Variants in LYRM9 observed in about 807,000 individuals in gnomAD.
The protein encoded by LYRM9 is LYR motif-containing protein 9.
Under a neutral mutation model 12.6 loss-of-function variants are expected in LYRM9, and 14 were observed. That is an observed-to-expected ratio of 1.11 (90% confidence interval 0.73 to 1.73). The LOEUF (loss-of-function observed/expected upper bound fraction) is 1.73, where lower values mean the gene tolerates loss of function less well. LYRM9 is among the 40% of genes most tolerant of loss of function. The pLI, the probability that LYRM9 is intolerant of heterozygous loss-of-function variation, is 0.00. For missense variants in LYRM9, 94 were observed against 95.0 expected, an observed-to-expected ratio of 0.99 and a Z score of 0.04; for synonymous variants, 42 against 35.1, an observed-to-expected ratio of 1.20 and a Z score of -0.69.
Position 27,882,587 on chromosome 17 carries a change from G to GT in LYRM9, c.107dup (p.Tyr36Ter), listed in dbSNP as rs776318231. The change falls in exon 2 of 4, where the codon TAC becomes TAAC. Residue 36 changes from tyrosine (Y) to a stop codon, truncating the protein, a stop_gained and frameshift_variant. Transcript: ENST00000379102. LOFTEE classifies it high-confidence loss of function. ...QLPTKGIQQH[Y>*]KHAVRQSFRV... ...CTCGCACCTGCCTGACAGCATGCTT[G>GT]TAATGCTGCTGGATGCCCTTGGTCG... is the stretch of plus-strand genomic sequence containing the variant. The GT allele has an allele frequency of 4.4e-6, 7 of 1,595,480 alleles. No individual in the cohort carries two copies. The South Asian group carries it at 8.0e-5, about 18-fold the overall frequency.
In LYRM9 at chr17:27,882,612, G is replaced by T; in HGVS notation, c.83C>A (p.Pro28Gln). 6.3e-7 allele frequency: 1 copy of T among 1,596,324 alleles called. No homozygotes were observed. Among genetic ancestry groups the T allele is most frequent in the South Asian group, 1.1e-5 (1 of 87,878 alleles). The stretch of plus-strand genomic sequence containing the variant: ...GTAATGCTGCTGGATGCCCTTGGTC[G>T]GCAGCTGCTGGCAACAGCGCAGCAA... Reference protein sequence around the residue: ...RYLLRCCQQLPTKGIQQHYKH... With the variant: ...RYLLRCCQQLQTKGIQQHYKH... Residue 28 changes from proline to glutamine, a missense_variant, in exon 2 of 4, where the codon CCG becomes CAG. Coordinates refer to ENST00000379102, the MANE Select transcript of LYRM9 (RefSeq NM_001076680.3).
At position 27,880,276 on chromosome 17, in the gene LYRM9, T is replaced by G; in HGVS notation, c.217A>C (p.Lys73Gln). 1 of 1,606,424 alleles carries G rather than the reference T, an allele frequency of 6.2e-7. No individual in the cohort carries two copies. ...GAGCCCAGGGGCCAAGCACCTACTT[T>G]GTTCATGATCCAGTCAGCATCTTCA... is the stretch of plus-strand genomic sequence containing the variant. ...AIEDADWIMN[K>Q]YKKQN The change falls in exon 3 of 4, where the codon AAA (lysine) becomes CAA (glutamine). Residue 73 changes from lysine to glutamine, a missense_variant and splice_region_variant. Coordinates refer to ENST00000379102, the MANE Select transcript of LYRM9 (RefSeq NM_001076680.3).
chr17:27,882,729 A>G lies in LYRM9; in HGVS notation c.-18-17T>C. The G allele has an allele frequency of 6.4e-7, 1 of 1,568,290 alleles. No individual in the cohort carries two copies. The highest frequency in any genetic ancestry group is 8.6e-7 in the Non-Finnish European group (1 of 1,156,680). ...CCTCTGTCCCTGGAAAACAAGCAGGATCACTTCCAGGGCATCAAGCCAAGT... is the reference window on the plus strand; with the variant it reads ...CCTCTGTCCCTGGAAAACAAGCAGGGTCACTTCCAGGGCATCAAGCCAAGT... On this transcript the variant is annotated splice_polypyrimidine_tract_variant and intron_variant, in intron 1 of 3. Coordinates refer to ENST00000379102, the MANE Select transcript of LYRM9 (RefSeq NM_001076680.3).
Position 27,883,647 on chromosome 17 carries a change from C to A in LYRM9, c.-18-935G>T, listed in dbSNP as rs1294171854. Among the ~76,000 whole-genome samples, 3 of 143,138 alleles carry A rather than the reference C, an allele frequency of 2.1e-5. No homozygotes were observed. In the East Asian group the frequency reaches 6.1e-4, roughly 29 times the overall value. The allele number at this position is 143,138 out of a possible 152,430, so 93.9% of individuals were successfully genotyped here. A position where few individuals can be genotyped will look rare whatever the true frequency, so the allele number is the denominator to read the frequency against. Reference sequence around the variant, plus strand: ...CCTGGGTGACAAAGCAAGACTCCAACTCAAAAAAAAAAAAAAAGAGAGAGA... The same window carrying A: ...CCTGGGTGACAAAGCAAGACTCCAAATCAAAAAAAAAAAAAAAGAGAGAGA... On this transcript the variant is annotated intron_variant, in intron 1 of 3. Coordinates refer to ENST00000379102, the MANE Select transcript of LYRM9 (RefSeq NM_001076680.3).
chr17:27,890,726 C>T (rs1307844012), intron 1 of LYRM9, among the ~76,000 whole-genome samples: 5 of 152,048 alleles, frequency 3.3e-5, no homozygotes, highest in Admixed American at 2.6e-4. Context: ...AGAAAATAAC[C>T]AGAAATTATG....
At chr17:27,888,153 A>T (rs1905298539) in intron 1 of LYRM9, among the ~76,000 whole-genome samples, 1 of 152,178 alleles carries the variant, frequency 6.6e-6, no homozygotes, top group African/African-American at 2.4e-5. Context: ...TTCAATTTCT[A>T]TTTTGAACGA....
chr17:27,880,596 C>T (rs1478890103), intron 2 of LYRM9: 2 of 563,450 alleles, frequency 3.5e-6, no homozygotes, highest in Admixed American at 6.3e-5. Context: ...AGCATGTACT[C>T]CTGCCACCAA....
Position 27,879,126 on chromosome 17 carries a change from T to A in LYRM9, c.*347A>T, listed in dbSNP as rs1904948330. 1 of 234,358 alleles carries A rather than the reference T, an allele frequency of 4.3e-6. No individual in the cohort carries two copies. The highest frequency in any genetic ancestry group is 8.4e-6 in the Non-Finnish European group (1 of 119,518). The allele number at this position is 234,358 out of a possible 1,614,324, so 14.5% of individuals were successfully genotyped here. ...GTACAGGTTGCTACCTGAGGGGACA[T>A]CTGCTCTGGGACTCAGAGAATGATA... On this transcript the variant is annotated 3_prime_UTR_variant, in exon 4 of 4. Coordinates refer to ENST00000379102, the MANE Select transcript of LYRM9 (RefSeq NM_001076680.3).
chr17:27,879,996 T>A, intron 3 of LYRM9: 1 of 645,590 alleles, frequency 1.5e-6, no homozygotes, highest in Non-Finnish European at 2.8e-6. Flanking sequence ...TTTCCCTCCT[T>A]CTTCCTGCTG....
intron 1 of LYRM9, among the ~76,000 whole-genome samples, chr17:27,887,958 T>G (rs1005655375): frequency 1.3e-5 from 2 of 152,124 alleles, no homozygotes; most frequent in African/African-American, 4.8e-5. Context: ...GACTTTTCGT[T>G]TAAGGCCTTC....
At chr17:27,890,647 C>T (rs1905404506) in intron 1 of LYRM9, among the ~76,000 whole-genome samples, 1 of 151,996 alleles carries the variant, frequency 6.6e-6, no homozygotes. Flanking sequence ...AATCTATGTC[C>T]CGATATAGGC....
rs1904915357 is a variant in LYRM9 at position 27,878,371 on chromosome 17, T to C, written c.*1102A>G. 6.6e-6 allele frequency: 1 copy of C among 152,264 alleles called. No homozygotes were observed. Among genetic ancestry groups the C allele is most frequent in the Non-Finnish European group, 1.5e-5 (1 of 68,062 alleles). The allele number at this position is 152,264 out of a possible 1,614,324, so 9.4% of individuals were successfully genotyped here. ...AGACACACGAGCTTCCACAAATTGA[T>C]ATATTTACTTCATTGCCAGCGGAGT... On this transcript the variant is annotated 3_prime_UTR_variant, in exon 4 of 4. Coordinates refer to ENST00000379102, the MANE Select transcript of LYRM9 (RefSeq NM_001076680.3).
At chr17:27,889,633 T>C (rs2142598974) in intron 1 of LYRM9, among the ~76,000 whole-genome samples, 1 of 152,218 alleles carries the variant, frequency 6.6e-6, no homozygotes, top group African/African-American at 2.4e-5. Flanking sequence ...TCTTTCCCCA[T>C]CTTTTATTTT....
rs563428585 is a variant in LYRM9 at position 27,883,738 on chromosome 17, G to A, written c.-18-1026C>T. ...TGATTAATGCACACATAAGAAAACC[G>A]GTCACAGAGAGGTCTGATAACTTGC... On this transcript the variant is annotated intron_variant, in intron 1 of 3. Coordinates refer to ENST00000379102, the MANE Select transcript of LYRM9 (RefSeq NM_001076680.3). Among the ~76,000 whole-genome samples the A allele has an allele frequency of 2.1e-5, 3 of 144,948 alleles. No homozygotes were observed. In the South Asian group the frequency reaches 6.6e-4, roughly 32 times the overall value.
intron 1 of LYRM9, 64 bp downstream of exon 1, chr17:27,893,253 T>A (rs1905519737): frequency 6.5e-6 from 1 of 153,022 alleles, no homozygotes; most frequent in African/African-American, 2.4e-5. Context: ...CGCCACCCAG[T>A]GGCTCCGGCC....
At position 27,878,860 on chromosome 17, in the gene LYRM9, A is replaced by C. The variant is rs1190177787; in HGVS notation, c.*613T>G. ...CAACTGTGAGGGCTCAGGGGCTACA[A>C]GCAGGGACAGGGCAAGCTCGCAAAC... On this transcript the variant is annotated 3_prime_UTR_variant, in exon 4 of 4. Coordinates refer to ENST00000379102, the MANE Select transcript of LYRM9 (RefSeq NM_001076680.3). 1 of 152,786 alleles carries C rather than the reference A, an allele frequency of 6.5e-6. No homozygotes were observed. The highest frequency in any genetic ancestry group is 2.4e-5 in the African/African-American group (1 of 41,428). 9.5% of individuals were successfully genotyped at this position (152,786 alleles called of 1,614,324 possible). A position where few individuals can be genotyped will look rare whatever the true frequency, so the allele number is the denominator to read the frequency against.
chr17:27,882,887 C>G, intron 1 of LYRM9, 175 bp from the exon 2 acceptor site: 2 of 721,286 alleles, frequency 2.8e-6, no homozygotes. Context: ...AACAGAAGCT[C>G]TAGCCCAGAG....
intron 1 of LYRM9, among the ~76,000 whole-genome samples, chr17:27,888,976 A>G: frequency 6.6e-6 from 1 of 152,148 alleles, no homozygotes; most frequent in East Asian, 1.9e-4. Context: ...CCAGCTTTTC[A>G]TTATTCACAG....
At chr17:27,888,998 A>G (rs1160912809) in intron 1 of LYRM9, among the ~76,000 whole-genome samples, 1 of 152,166 alleles carries the variant, frequency 6.6e-6, no homozygotes, top group Non-Finnish European at 1.5e-5. Flanking sequence ...CAACTATCCC[A>G]GCCCCTCCCT....
Sources: gnomAD v4.1 joint callset for allele counts (sites outside exome capture counted in the v4.1 genomes callset) on GRCh38, gnomAD v4.1.1 for gene constraint, MANE v1.5 for transcripts, NCBI Gene and HGNC (gene_info 2026-07-23, HGNC 2026-07-21) for gene names.